MID1: variants seen among roughly 807,000 people sequenced by gnomAD.
MID1 encodes E3 ubiquitin-protein ligase Midline-1.
MID1 carries 7 observed loss-of-function variants against 40.4 expected under a neutral mutation model. The ratio of observed to expected loss-of-function variants is 0.17; its 90% CI spans 0.10 to 0.33. MID1 has a LOEUF of 0.33. Among genes scored for constraint, MID1 ranks in the 10% least tolerant of loss-of-function variants. The pLI, the probability that MID1 is intolerant of heterozygous loss-of-function variation, is 1.00. For missense variants in MID1, 367 were observed against 558.5 expected, an observed-to-expected ratio of 0.66 and a Z score of 3.46; for synonymous variants, 229 against 221.2, an observed-to-expected ratio of 1.04 and a Z score of -0.31.
chrX:10,673,603 G>A (rs1379066195), intron 1 of MID1, among the ~76,000 whole-genome samples: 1 of 111,698 alleles, frequency 9.0e-6, no homozygotes, highest in Non-Finnish European at 1.9e-5. Flanking sequence ...ACAGGCAGAA[G>A]CTGTCAAGGG....
intron 5 of MID1, among the ~76,000 whole-genome samples, chrX:10,479,866 G>T (rs1261823890): frequency 8.9e-6 from 1 of 111,794 alleles, no homozygotes; most frequent in Admixed American, 9.5e-5. Flanking sequence ...CTAGCAGTAG[G>T]ATTGCTGGAT....
intron 2 of MID1, among the ~76,000 whole-genome samples, chrX:10,531,358 T>G (rs745954778): frequency 8.9e-6 from 1 of 112,373 alleles, no homozygotes; most frequent in South Asian, 3.7e-4. Context: ...ACATGTAATT[T>G]AGGTTGTTTT....
rs747625128 is a variant in MID1, at chrX:10,805,433, G to T, written c.-187+28121C>A. On this transcript the variant is annotated intron_variant, in intron 1 of 10. Coordinates refer to the MID1 transcript ENST00000380785. ...TTTTATGGCTGCATAGTATTCCATG[G>T]TGTATATGTGCCACATTTTCTTAAT... Among the ~76,000 whole-genome samples, 12 of 107,927 alleles carry T rather than the reference G, an allele frequency of 1.1e-4. No individual in the cohort carries two copies. In the South Asian group the frequency reaches 5.1e-3, roughly 45 times the overall value. The allele number at this position is 107,927 out of a possible 115,157, so 93.7% of individuals were successfully genotyped here.
chrX:10,810,696 C>CTGTG (rs370482398), intron 1 of MID1, among the ~76,000 whole-genome samples: 45,322 of 100,635 alleles, frequency 0.45, 9,536 homozygotes, highest in Non-Finnish European at 0.62. Context: ...GTTGTTTTCT[C>CTGTG]TGTGTGTGTG....
At chrX:10,737,093 A>G (rs961925305) in intron 1 of MID1, among the ~76,000 whole-genome samples, 3 of 111,980 alleles carry the variant, frequency 2.7e-5, no homozygotes, top group Non-Finnish European at 5.6e-5. Flanking sequence ...AACTCTCTGT[A>G]TTTTCTCTCA....
At chrX:10,727,148 C>G (rs776357730) in intron 1 of MID1, among the ~76,000 whole-genome samples, 2 of 112,095 alleles carry the variant, frequency 1.8e-5, no homozygotes, top group African/African-American at 6.5e-5. Flanking sequence ...GAGTTTCACT[C>G]TTGTTGCCCA....
At chrX:10,543,139 C>G (rs931281449) in intron 2 of MID1, among the ~76,000 whole-genome samples, 1 of 112,312 alleles carries the variant, frequency 8.9e-6, no homozygotes, top group Non-Finnish European at 1.9e-5. Context: ...CACAGCCACA[C>G]AAGTACAGCA....
chrX:10,675,867 C>A (rs1216974557), intron 1 of MID1, among the ~76,000 whole-genome samples: 1 of 111,309 alleles, frequency 9.0e-6, no homozygotes, highest in Non-Finnish European at 1.9e-5. Flanking sequence ...GCAGCTTCCT[C>A]ATTTCTTCTT....
intron 1 of MID1, among the ~76,000 whole-genome samples, chrX:10,730,801 C>T (rs992967091): frequency 2.7e-5 from 3 of 110,403 alleles, no homozygotes; most frequent in Non-Finnish European, 5.7e-5. Context: ...GTCTCGATCT[C>T]CTGACCTCAT....
At chrX:10,481,542 C>A (rs1427191201) in intron 5 of MID1, among the ~76,000 whole-genome samples, 1 of 112,028 alleles carries the variant, frequency 8.9e-6, no homozygotes, top group East Asian at 2.8e-4. Context: ...CAGGTTCAAG[C>A]AATTCTCCTG....
chrX:10,622,621 A>G (rs931349390), upstream of MID1, among the ~76,000 whole-genome samples: 1 of 111,952 alleles, frequency 8.9e-6, no homozygotes, highest in Admixed American at 9.5e-5. Flanking sequence ...ACAAGGAGCC[A>G]CTGATGAAGC....
chrX:10,801,806 A>G (rs929457364), intron 1 of MID1, among the ~76,000 whole-genome samples: 3 of 112,255 alleles, frequency 2.7e-5, no homozygotes, highest in African/African-American at 9.7e-5. Flanking sequence ...ATTTATGGCT[A>G]AGTCTTCAAA....
intron 1 of MID1, among the ~76,000 whole-genome samples, chrX:10,588,277 A>G (rs1288693848): frequency 8.9e-6 from 1 of 112,359 alleles, no homozygotes; most frequent in East Asian, 2.8e-4. Context: ...TGTTTCTTCA[A>G]TAGTACTGAG....
At chrX:10,556,322 C>T (rs1028449044) in intron 2 of MID1, among the ~76,000 whole-genome samples, 9 of 111,274 alleles carry the variant, frequency 8.1e-5, no homozygotes, top group African/African-American at 2.9e-4. Context: ...GAGCCGCTCC[C>T]CTCCACCCCT....
intron 1 of MID1, among the ~76,000 whole-genome samples, chrX:10,785,952 C>A (rs985220157): frequency 9.9e-5 from 11 of 111,528 alleles, no homozygotes; most frequent in East Asian, 2.8e-4. Context: ...GCAACAAAAG[C>A]CAAAATTGAC....
In MID1 at chrX:10,484,375, A is replaced by T. The variant is rs748875117; in HGVS notation, c.865-1747T>A. ...CATGACAACTACTTATCCTTTAGAT[A>T]TGCCTATTAAAGACCACACACATTT... On this transcript the variant is annotated intron_variant, in intron 4 of 9. Coordinates refer to ENST00000317552, the MANE Select transcript of MID1 (RefSeq NM_000381.4). Among the ~76,000 whole-genome samples the T allele has an allele frequency of 2.7e-5, 3 of 112,712 alleles. No individual in the cohort carries two copies. The East Asian group carries it at 8.3e-4, about 31-fold the overall frequency.
rs1463455302 is a variant in MID1 at position 10,830,158 on chromosome X, G to A, written c.-187+3396C>T. Among the ~76,000 whole-genome samples the A allele has an allele frequency of 9.8e-5, 11 of 112,405 alleles. No homozygotes were observed. The Admixed American group carries it at 1.0e-3, about 11-fold the overall frequency. ...ATCTGACATGGAGATCATCTGGTCA[G>A]TGAAAGCATGAATATCTTGACGTAT... On this transcript the variant is annotated intron_variant, in intron 1 of 10. Coordinates refer to the MID1 transcript ENST00000380785.
intron 1 of MID1, among the ~76,000 whole-genome samples, chrX:10,776,470 T>C (rs923499049): frequency 2.6e-4 from 29 of 112,301 alleles, no homozygotes; most frequent in Non-Finnish European, 4.7e-4. Context: ...CACACAATTA[T>C]TGCTCACCTA....
chrX:10,706,860 G>T, intron 1 of MID1, among the ~76,000 whole-genome samples: 1 of 111,753 alleles, frequency 8.9e-6, no homozygotes, highest in Non-Finnish European at 1.9e-5. Flanking sequence ...TTTCTCAATA[G>T]AAATATGTTT....
Sources: allele counts gnomAD v4.1 joint callset (sites outside exome capture counted in the v4.1 genomes callset), GRCh38; gene constraint gnomAD v4.1.1; transcripts MANE v1.5; gene names NCBI Gene and HGNC (gene_info 2026-07-23, HGNC 2026-07-21).